The following CORO2A variants were observed in gnomAD, a reference collection of about 807,000 sequenced individuals.
CORO2A encodes coronin-2A.
CORO2A carries 47 observed loss-of-function variants against 62.4 expected under a neutral mutation model. The observed-to-expected ratio is 0.75, with a 90% CI of 0.60 to 0.96. CORO2A has a LOEUF of 0.96. Ranked by LOEUF, CORO2A falls within the 40% of genes least tolerant of loss-of-function variation. The pLI, the probability that CORO2A is intolerant of heterozygous loss-of-function variation, is 0.00. For missense variants in CORO2A, 610 were observed against 684.1 expected, an observed-to-expected ratio of 0.89 and a Z score of 1.21; for synonymous variants, 273 against 268.9, an observed-to-expected ratio of 1.02 and a Z score of -0.15.
intron 1 of CORO2A, among the ~76,000 whole-genome samples, chr9:98,174,831 T>C (rs1352772697): frequency 6.6e-6 from 1 of 152,116 alleles, no homozygotes; most frequent in Non-Finnish European, 1.5e-5. Context: ...AATTACCCAG[T>C]CTCAGGTATG....
At chr9:98,168,532 C>A (rs1408748991) in intron 1 of CORO2A, among the ~76,000 whole-genome samples, 2 of 152,178 alleles carry the variant, frequency 1.3e-5, no homozygotes, top group Non-Finnish European at 2.9e-5. Flanking sequence ...TAGTTAGTGG[C>A]TGGGCTGGAA....
At chr9:98,163,501 T>C (rs1051638683) in intron 1 of CORO2A, among the ~76,000 whole-genome samples, 3 of 152,194 alleles carry the variant, frequency 2.0e-5, no homozygotes, top group African/African-American at 7.2e-5. Context: ...TGAGTTTATT[T>C]CTTAACACCT....
chr9:98,169,294 C>A (rs1443496353), intron 1 of CORO2A, among the ~76,000 whole-genome samples: 1 of 152,172 alleles, frequency 6.6e-6, no homozygotes, highest in East Asian at 1.9e-4. Context: ...CAAACCAAGA[C>A]AAGGCCTCTT....
intron 1 of CORO2A, among the ~76,000 whole-genome samples, chr9:98,163,936 T>C (rs1280997555): frequency 6.6e-6 from 1 of 152,184 alleles, no homozygotes; most frequent in East Asian, 1.9e-4. Flanking sequence ...TTGTACTGTT[T>C]GTGGCTTTAA....
At chr9:98,136,304 T>C (rs751516719) in intron 3 of CORO2A, among the ~76,000 whole-genome samples, 7 of 152,240 alleles carry the variant, frequency 4.6e-5, no homozygotes, top group Admixed American at 1.3e-4. Flanking sequence ...GTCCCTTTGG[T>C]GAAATCACCT....
chr9:98,138,813 C>A (rs1390671505), intron 2 of CORO2A, among the ~76,000 whole-genome samples: 2 of 151,992 alleles, frequency 1.3e-5, no homozygotes, highest in Non-Finnish European at 2.9e-5. Flanking sequence ...CTTTGGGGGG[C>A]CGAGGCGGGT....
intron 1 of CORO2A, among the ~76,000 whole-genome samples, chr9:98,160,877 G>A (rs1251059457): frequency 6.6e-6 from 1 of 152,124 alleles, no homozygotes; most frequent in Non-Finnish European, 1.5e-5. Context: ...AGTGATGTGT[G>A]TCACTTCCAG....
At chr9:98,129,995 G>A (rs998909070) in intron 7 of CORO2A, 105 bp from the exon 8 acceptor site, 10 of 780,130 alleles carry the variant, frequency 1.3e-5, no homozygotes, top group African/African-American at 1.0e-4. Context: ...TTTGATGATC[G>A]GCAAACCCAT....
At chr9:98,132,714 TA>T (rs1176661318) in intron 5 of CORO2A, among the ~76,000 whole-genome samples, 1 of 152,206 alleles carries the variant, frequency 6.6e-6, no homozygotes, top group Non-Finnish European at 1.5e-5. Flanking sequence ...GCACAGTGGC[TA>T]AACAGTGGTA....
intron 10 of CORO2A, among the ~76,000 whole-genome samples, chr9:98,127,789 G>A (rs1827346753): frequency 8.4e-6 from 1 of 119,284 alleles, no homozygotes; most frequent in Non-Finnish European, 1.6e-5. Context: ...CTGCACTCCA[G>A]CCTGGGCAAC....
Position 98,126,734 on chromosome 9 carries a change from G to T in CORO2A, c.1261C>A (p.Pro421Thr), listed in dbSNP as rs1827326281. The T allele has an allele frequency of 1.2e-6, 2 of 1,614,190 alleles. No individual in the cohort carries two copies. Residue 421 changes from proline (P) to threonine (T), a missense_variant, in exon 11 of 12, where the codon CCA becomes ACA. Coordinates refer to ENST00000375077, the MANE Select transcript of CORO2A (RefSeq NM_052820.4). ...TGATTCAAGAGCCGGGGTGAGGCTG[G>T]GGCCATGGAATTGAAGATAGGTCTC... ...AERPIFNSMAPASPRLLNQTE... is the reference protein window; with the variant it reads ...AERPIFNSMATASPRLLNQTE...
intron 1 of CORO2A, among the ~76,000 whole-genome samples, chr9:98,159,577 GC>G (rs906058078): frequency 2.6e-5 from 4 of 151,004 alleles, no homozygotes; most frequent in African/African-American, 9.8e-5. Context: ...CCATTCCCAT[GC>G]CCCCACCTCC....
rs758090499 is a variant in CORO2A at position 98,133,201 on chromosome 9, A to G, written c.485T>C (p.Leu162Pro). The stretch of plus-strand genomic sequence containing the variant: ...TGTGATGACAGACTCCTTTGTATCC[A>G]GGTTCCAGATCATCACCTGCATGGC... Reference protein sequence around the residue: ...GYDYKVMIWNLDTKESVITSP... With the variant: ...GYDYKVMIWNPDTKESVITSP... Residue 162 changes from leucine (L) to proline (P), a missense_variant, in exon 5 of 12, where the codon CTG becomes CCG. Leu to Pro is a moderately conservative substitution (Grantham distance 98). Coordinates refer to ENST00000375077, the MANE Select transcript of CORO2A (RefSeq NM_052820.4). The G allele has an allele frequency of 1.2e-6, 2 of 1,614,222 alleles. No homozygotes were observed. The highest frequency in any genetic ancestry group is 1.7e-6 in the Non-Finnish European group (2 of 1,180,030).
chr9:98,176,717 A>G (rs1828113330), intron 1 of CORO2A, among the ~76,000 whole-genome samples: 1 of 152,178 alleles, frequency 6.6e-6, no homozygotes, highest in African/African-American at 2.4e-5. Flanking sequence ...ATGGGGGCTG[A>G]GAACTCCTCA....
At chr9:98,168,027 G>A (rs746825564) in intron 1 of CORO2A, among the ~76,000 whole-genome samples, 5 of 152,204 alleles carry the variant, frequency 3.3e-5, no homozygotes, top group East Asian at 1.9e-4. Context: ...CCCAGGCCCC[G>A]GAGCTTGACT....
chr9:98,139,159 T>C (rs1408133106), intron 2 of CORO2A, among the ~76,000 whole-genome samples: 1 of 151,936 alleles, frequency 6.6e-6, no homozygotes, highest in East Asian at 1.9e-4. Context: ...TGACTGCTAA[T>C]GAGTGAGGGG....
intron 2 of CORO2A, among the ~76,000 whole-genome samples, chr9:98,155,342 A>ATTTTTT (rs11379239): frequency 4.9e-5 from 5 of 101,862 alleles, no homozygotes; most frequent in African/African-American, 1.2e-4. Flanking sequence ...TTATTGCTCA[A>ATTTTTT]TTTTTTTTTT....
rs1169569517 is a variant in CORO2A at position 98,124,042 on chromosome 9, T to C, written c.*732A>G. 1 of 150,450 alleles carries C rather than the reference T, an allele frequency of 6.6e-6. No homozygotes were observed. Among genetic ancestry groups the C allele is most frequent in the Non-Finnish European group, 1.5e-5 (1 of 67,666 alleles). 9.3% of individuals were successfully genotyped at this position (150,450 alleles called of 1,614,324 possible). ...TTTTTTTTTTTTTTGAGACAGACTT[T>C]TGCTCTTATTGCCCAGGTTAGAGTG... is the stretch of plus-strand genomic sequence containing the variant. On this transcript the variant is annotated 3_prime_UTR_variant, in exon 12 of 12. Coordinates refer to ENST00000375077, the MANE Select transcript of CORO2A (RefSeq NM_052820.4).
At chr9:98,179,912 A>G (rs1828155256) in intron 1 of CORO2A, among the ~76,000 whole-genome samples, 1 of 152,116 alleles carries the variant, frequency 6.6e-6, no homozygotes, top group Non-Finnish European at 1.5e-5. Flanking sequence ...CTGAGGCAGG[A>G]GAATTTCTTG....
Sources: gnomAD v4.1 joint callset for allele counts (sites outside exome capture counted in the v4.1 genomes callset) on GRCh38, gnomAD v4.1.1 for gene constraint, MANE v1.5 for transcripts, NCBI Gene and HGNC (gene_info 2026-07-23, HGNC 2026-07-21) for gene names.